Variants in ZDHHC7 observed in about 807,000 individuals in gnomAD.
ZDHHC7 encodes palmitoyltransferase ZDHHC7.
ZDHHC7 carries 12 observed loss-of-function variants against 34.1 expected under a neutral mutation model. That is an observed-to-expected ratio of 0.35 (90% CI 0.23 to 0.57). The LOEUF (loss-of-function observed/expected upper bound fraction) is 0.57, where lower values mean the gene tolerates loss of function less well. ZDHHC7 is among the 20% of genes least tolerant of loss of function. The pLI is 0.84. For synonymous variants in ZDHHC7, 185 were observed against 155.4 expected (o/e 1.19, Z -1.42); for missense variants, 388 against 402.7 (o/e 0.96, Z 0.31).
At chr16:85,016,273 C>T (rs2072833805), upstream of ZDHHC7, among the ~76,000 whole-genome samples, 1 of 151,926 alleles carries the variant, frequency 6.6e-6, no homozygotes, top group African/African-American at 2.4e-5. Context: ...CCTTCCACCT[C>T]AGCCTCCCAA....
intron 3 of ZDHHC7, among the ~76,000 whole-genome samples, chr16:84,983,292 C>T (rs545304578): frequency 1.1e-4 from 16 of 152,212 alleles, no homozygotes; most frequent in Non-Finnish European, 2.4e-4. Context: ...GTGAAGGGCT[C>T]TGCCAACAGC....
upstream of ZDHHC7, among the ~76,000 whole-genome samples, chr16:85,013,701 G>A (rs2072822479): frequency 6.6e-6 from 1 of 150,798 alleles, no homozygotes; most frequent in African/African-American, 2.4e-5. Context: ...GTTTTGTTTT[G>A]TTTTTGAGAT....
At position 85,000,676 on chromosome 16, in the gene ZDHHC7, A is replaced by G. The variant is rs527907682; in HGVS notation, c.-103-4669T>C. On this transcript the variant is annotated intron_variant, in intron 1 of 7. Transcript: ENST00000313732. ...AACCTGTTTTAGGACAGAAGGTTAC[A>G]AAACAAACTCAACCCCTGCCATGAA... is the stretch of plus-strand genomic sequence containing the variant. Among the ~76,000 whole-genome samples, 10 of 152,320 alleles carry G rather than the reference A, an allele frequency of 6.6e-5. No individual in the cohort carries two copies. In the South Asian group the frequency reaches 1.9e-3, roughly 28 times the overall value.
At chr16:85,009,714 T>C (rs1014223232) in intron 1 of ZDHHC7, among the ~76,000 whole-genome samples, 2 of 144,308 alleles carry the variant, frequency 1.4e-5, no homozygotes, top group African/African-American at 2.7e-5. Context: ...TTTTTCTTTT[T>C]TTTTTTTTTT....
intron 2 of ZDHHC7, among the ~76,000 whole-genome samples, chr16:84,992,241 C>T (rs1174065989): frequency 3.3e-5 from 5 of 151,876 alleles, no homozygotes; most frequent in South Asian, 4.2e-4. Context: ...AGGCAGAGGC[C>T]GGTGGATCAC....
In ZDHHC7 at chr16:85,011,355, A is replaced by G. The variant is rs2072789480; in HGVS notation, c.-173T>C. ...CTGCGGCGGCGGCGGCGGCGACTGC[A>G]GCGGCCGAGGCAGGGACGCATCATG... On this transcript the variant is annotated 5_prime_UTR_variant, in exon 1 of 8. Coordinates refer to ENST00000313732, the MANE Select transcript of ZDHHC7 (RefSeq NM_017740.3). The G allele has an allele frequency of 6.6e-6, 1 of 152,424 alleles. No homozygotes were observed. Among genetic ancestry groups the G allele is most frequent in the South Asian group, 1.8e-4 (1 of 5,642 alleles). The allele number at this position is 152,424 out of a possible 1,614,324, so 9.4% of individuals were successfully genotyped here. A position where few individuals can be genotyped will look rare whatever the true frequency, so the allele number is the denominator to read the frequency against.
chr16:84,981,592 C>T (rs1407194472), intron 4 of ZDHHC7, among the ~76,000 whole-genome samples: 1 of 152,212 alleles, frequency 6.6e-6, no homozygotes, highest in East Asian at 1.9e-4. Context: ...GGAACCTTGT[C>T]ACCTCCTCCA....
chr16:84,991,453 T>A (rs571396031), intron 2 of ZDHHC7, among the ~76,000 whole-genome samples: 102 of 151,856 alleles, frequency 6.7e-4, no homozygotes, highest in African/African-American at 2.3e-3. Context: ...ACCTAGCTAA[T>A]TTTTTTGTAT....
At chr16:85,015,205 T>C (rs1196553842), upstream of ZDHHC7, among the ~76,000 whole-genome samples, 2 of 151,798 alleles carry the variant, frequency 1.3e-5, no homozygotes, top group African/African-American at 4.8e-5. Flanking sequence ...GTTCAAGCGA[T>C]TCTCCTGCCT....
Position 84,990,600 on chromosome 16 carries a change from T to C in ZDHHC7, c.19A>G (p.Arg7Gly). Residue 7 changes from arginine (R) to glycine (G), a missense_variant, in exon 3 of 8, where the codon AGG (arginine) becomes GGG (glycine). By Grantham distance (125) the Arg-to-Gly change is moderately radical. Coordinates refer to ENST00000313732, the MANE Select transcript of ZDHHC7 (RefSeq NM_017740.3). Reference sequence around the variant, plus strand: ...GGATGATGCTCGACGTCCCGGAGCCTGTGTCCTGATGGCTGCATGATTTCC... The same window carrying C: ...GGATGATGCTCGACGTCCCGGAGCCCGTGTCCTGATGGCTGCATGATTTCC... Reference protein sequence around the residue: MQPSGHRLRDVEHHPLL... With the variant: MQPSGHGLRDVEHHPLL... 1.2e-6 allele frequency: 2 copies of C among 1,613,612 alleles called. No homozygotes were observed. The highest frequency in any genetic ancestry group is 2.2e-5 in the South Asian group (2 of 91,060).
rs530374264 is a variant in ZDHHC7, at chr16:84,986,198, A to G, written c.315+4106T>C. On this transcript the variant is annotated intron_variant, in intron 3 of 7. Transcript: ENST00000313732. ...CACCACATGATGTGGTGACAAGCTC[A>G]AGGTGGAGCGCTCTTTTCTTCCTAC... 1.7e-3 allele frequency among the ~76,000 whole-genome samples: 262 copies of G among 152,314 alleles called. 2 individuals carry two copies. Among genetic ancestry groups the G allele is most frequent in the Middle Eastern group, 3.4e-3 (1 of 294 alleles).
chr16:84,988,901 G>A (rs761413429), intron 3 of ZDHHC7: 7 of 1,548,406 alleles, frequency 4.5e-6, no homozygotes, highest in Non-Finnish European at 6.1e-6. Flanking sequence ...AGTAAAAATC[G>A]CTGAGCTGGA....
chr16:84,996,549 G>C (rs796251226), intron 1 of ZDHHC7, among the ~76,000 whole-genome samples: 2 of 152,216 alleles, frequency 1.3e-5, no homozygotes, highest in African/African-American at 4.8e-5. Flanking sequence ...CTGACAGATG[G>C]GAGGGTCGAG....
At chr16:85,019,581 G>A in the ZDHHC7 span, among the ~76,000 whole-genome samples, 5 of 152,136 alleles carry the variant, frequency 3.3e-5, no homozygotes, top group Admixed American at 2.6e-4. Context: ...GCCGGGCGTG[G>A]TGGCAGGCAC....
chr16:85,026,324 C>G, the ZDHHC7 span, among the ~76,000 whole-genome samples: 1 of 152,080 alleles, frequency 6.6e-6, no homozygotes, highest in Admixed American at 6.6e-5. Context: ...CCTGCAGAGA[C>G]CAAAAGCGTA....
intron 3 of ZDHHC7, among the ~76,000 whole-genome samples, chr16:84,987,665 G>T (rs1399870997): frequency 6.6e-6 from 1 of 152,182 alleles, no homozygotes; most frequent in African/African-American, 2.4e-5. Flanking sequence ...AGAGCAGCAT[G>T]ATTTGTAACA....
intron 4 of ZDHHC7, among the ~76,000 whole-genome samples, chr16:84,979,949 C>CTTTTTT (rs561019555): frequency 3.1e-5 from 3 of 96,012 alleles, no homozygotes; most frequent in Non-Finnish European, 5.8e-5. Flanking sequence ...ATAGCGTCAC[C>CTTTTTT]TTTTTTTTTT....
At chr16:84,993,033 G>A (rs761500811) in intron 2 of ZDHHC7, among the ~76,000 whole-genome samples, 2 of 152,164 alleles carry the variant, frequency 1.3e-5, no homozygotes, top group Admixed American at 6.5e-5. Context: ...GATAAAAGCA[G>A]CTTTAAAAAA....
chr16:84,981,793 C>G (rs2072372094), intron 4 of ZDHHC7, 77 bp downstream of exon 4: 1 of 1,606,170 alleles, frequency 6.2e-7, no homozygotes, highest in African/African-American at 1.3e-5. Flanking sequence ...CGGTGGTGGG[C>G]GCACTCTGGT....
Sources: gnomAD v4.1 joint callset for allele counts (sites outside exome capture counted in the v4.1 genomes callset) on GRCh38, gnomAD v4.1.1 for gene constraint, MANE v1.5 for transcripts, NCBI Gene and HGNC (gene_info 2026-07-23, HGNC 2026-07-21) for gene names.